The following DAB1 variants were observed in gnomAD, a reference collection of about 807,000 sequenced individuals.
DAB1 encodes DAB adaptor protein 1, also known as disabled homolog 1.
Under a neutral mutation model 64.6 loss-of-function variants are expected in DAB1, and 15 were observed. The ratio of observed to expected loss-of-function variants is 0.23; its 90% CI spans 0.16 to 0.36. The LOEUF is 0.36. Among genes scored for constraint, DAB1 ranks in the 10% least tolerant of loss-of-function variants. The probability of loss-of-function intolerance (pLI) is 1.00; values close to 1 mark genes in which losing one functional copy is unlikely to be tolerated. For synonymous variants in DAB1, 235 were observed against 251.9 expected (o/e 0.93, Z 0.64); for missense variants, 596 against 706.7 (o/e 0.84, Z 1.78).
chr1:57,937,431 T>C (rs1281631894), intron 5 of DAB1, among the ~76,000 whole-genome samples: 2 of 151,400 alleles, frequency 1.3e-5, no homozygotes, highest in East Asian at 2.0e-4. Context: ...TGAGCTAGAG[T>C]TGCATTTCTG....
At chr1:57,670,178 T>C (rs1292891921) in intron 6 of DAB1, among the ~76,000 whole-genome samples, 1 of 152,154 alleles carries the variant, frequency 6.6e-6, no homozygotes, top group African/African-American at 2.4e-5. Flanking sequence ...CAGCACTACT[T>C]ATTGTGGGTG....
chr1:57,504,074 C>G (rs528194983), intron 7 of DAB1, among the ~76,000 whole-genome samples: 1 of 152,266 alleles, frequency 6.6e-6, no homozygotes, highest in Admixed American at 6.5e-5. Context: ...CTCTGGAAAC[C>G]TGCACTACAT....
Position 57,419,493 on chromosome 1 carries a change from T to TAA in DAB1, c.-137+4435_-137+4436dup, listed in dbSNP as rs201933527. On this transcript the variant is annotated intron_variant, in intron 1 of 14. Transcript: ENST00000371236. ...AAATGTGTAAGGAAATATTTCCAAT[T>TAA]AAAAAAAAAAAAAAAAAACCTTTGC... 2.5e-3 allele frequency among the ~76,000 whole-genome samples: 334 copies of TAA among 131,672 alleles called. 3 individuals carry two copies. Among genetic ancestry groups the TAA allele is most frequent in the African/African-American group, 8.5e-3 (316 of 36,976 alleles). 86.4% of individuals were successfully genotyped at this position (131,672 alleles called of 152,430 possible).
At chr1:58,396,011 G>A (rs1470218054) in intron 3 of DAB1, among the ~76,000 whole-genome samples, 1 of 151,956 alleles carries the variant, frequency 6.6e-6, no homozygotes, top group Non-Finnish European at 1.5e-5. Flanking sequence ...GAGAAACCCT[G>A]ATTGTTAGCC....
intron 4 of DAB1, among the ~76,000 whole-genome samples, chr1:58,288,343 A>G (rs1661739861): frequency 6.6e-6 from 1 of 152,156 alleles, no homozygotes; most frequent in Non-Finnish European, 1.5e-5. Flanking sequence ...ATCTCTTTAT[A>G]AATCAGGAAT....
chr1:58,416,821 C>T (rs1644725803), intron 3 of DAB1, among the ~76,000 whole-genome samples: 1 of 152,086 alleles, frequency 6.6e-6, no homozygotes. Flanking sequence ...AAGACCCTAC[C>T]TTCATGACCT....
At chr1:58,314,317 T>C (rs1163428563) in intron 4 of DAB1, among the ~76,000 whole-genome samples, 2 of 152,200 alleles carry the variant, frequency 1.3e-5, no homozygotes, top group Non-Finnish European at 2.9e-5. Context: ...CCTGATCCTG[T>C]TCTATGGCCT....
chr1:57,124,891 A>G (rs1324084876), intron 4 of DAB1, among the ~76,000 whole-genome samples: 1 of 152,120 alleles, frequency 6.6e-6, no homozygotes, highest in East Asian at 1.9e-4. Context: ...GCATCAAAAA[A>G]TCACTGTCTT....
intron 1 of DAB1, among the ~76,000 whole-genome samples, chr1:57,318,126 A>C (rs1675373259): frequency 7.3e-6 from 1 of 137,524 alleles, no homozygotes; most frequent in Non-Finnish European, 1.5e-5. Context: ...CTCCAGCAAG[A>C]TGCTGACTGA....
At chr1:57,938,707 T>TA (rs1344580225) in intron 5 of DAB1, among the ~76,000 whole-genome samples, 1 of 142,206 alleles carries the variant, frequency 7.0e-6, no homozygotes, top group African/African-American at 2.7e-5. Context: ...AACAGACTAA[T>TA]ACACCCTACA....
chr1:57,673,510 G>T (rs992806384), intron 6 of DAB1, among the ~76,000 whole-genome samples: 3 of 152,024 alleles, frequency 2.0e-5, no homozygotes, highest in African/African-American at 7.2e-5. Flanking sequence ...AATCCAGGTG[G>T]TCACATTCAG....
chr1:58,521,804 G>A (rs1646268880), intron 2 of DAB1, among the ~76,000 whole-genome samples: 3 of 152,178 alleles, frequency 2.0e-5, no homozygotes, highest in Admixed American at 2.0e-4. Flanking sequence ...AGGCCCATAT[G>A]GCTTTACCCA....
intron 4 of DAB1, among the ~76,000 whole-genome samples, chr1:58,273,633 G>A (rs1427189276): frequency 4.2e-5 from 2 of 48,046 alleles, no homozygotes; most frequent in African/African-American, 1.3e-4. Flanking sequence ...TCTCCCCATC[G>A]CTTTCAGGTA....
In DAB1 at chr1:57,322,931, AG is replaced by A. The variant is rs1675840036; in HGVS notation, c.-136-31766del. 2.6e-5 allele frequency among the ~76,000 whole-genome samples: 4 copies of A among 152,138 alleles called. No individual in the cohort carries two copies. In the South Asian group the frequency reaches 8.3e-4, roughly 32 times the overall value. ...GCAGCAGTCCTTTCTAAAGACCCTC[AG>A]GTTTCTTTAATGCTAGATCAGCTCA... On this transcript the variant is annotated intron_variant, in intron 1 of 14. Coordinates refer to ENST00000371236, the MANE Select transcript of DAB1 (RefSeq NM_001365792.1).
chr1:57,057,793 A>G (rs1649955043), intron 9 of DAB1, among the ~76,000 whole-genome samples: 4 of 150,482 alleles, frequency 2.7e-5, no homozygotes, highest in Middle Eastern at 6.9e-3. Flanking sequence ...TATTTTTAGT[A>G]GAGACGGGGT....
chr1:58,462,219 C>T (rs1027739886), intron 3 of DAB1, among the ~76,000 whole-genome samples: 3 of 151,208 alleles, frequency 2.0e-5, no homozygotes, highest in Non-Finnish European at 2.9e-5. Context: ...CTCCGCTTCC[C>T]GGGTTCACGC....
At chr1:57,955,353 G>T (rs1017540120) in intron 5 of DAB1, among the ~76,000 whole-genome samples, 1 of 152,144 alleles carries the variant, frequency 6.6e-6, no homozygotes, top group East Asian at 1.9e-4. Context: ...AGAAGGACAC[G>T]TAGCTGAGGG....
In DAB1 at chr1:57,731,497, G is replaced by GA. The variant is rs374374235; in HGVS notation, n.552-81833dup. ...TGTATATCTTACCACAATAAAAAAT[G>GA]AAAAAAAAGAATTAATAATTAGGCC... is the stretch of plus-strand genomic sequence containing the variant. On this transcript the variant is annotated intron_variant and non_coding_transcript_variant, in intron 6 of 20. Transcript: ENST00000485760. 6.4e-3 allele frequency among the ~76,000 whole-genome samples: 976 copies of GA among 151,750 alleles called. 7 individuals are homozygous for GA. The highest frequency in any genetic ancestry group is 0.02 in the African/African-American group (840 of 41,422).
At chr1:58,469,545 T>C (rs1645334257) in intron 3 of DAB1, among the ~76,000 whole-genome samples, 1 of 152,230 alleles carries the variant, frequency 6.6e-6, no homozygotes, top group South Asian at 2.1e-4. Flanking sequence ...CAGCTATCTA[T>C]AGCAATCAGG....
Sources: allele counts gnomAD v4.1 joint callset (sites outside exome capture counted in the v4.1 genomes callset), GRCh38; gene constraint gnomAD v4.1.1; transcripts MANE v1.5; gene names NCBI Gene and HGNC (gene_info 2026-07-23, HGNC 2026-07-21).